TGFB2: variants seen among roughly 807,000 people sequenced by gnomAD.
The protein encoded by TGFB2 is transforming growth factor beta 2.
In TGFB2, 13 loss-of-function variants were observed where a neutral mutation model predicts 42.7. The observed-to-expected ratio is 0.30, with a 90% CI of 0.20 to 0.48. TGFB2 has a LOEUF of 0.48. TGFB2 is among the 20% of genes least tolerant of loss of function. The pLI is 0.99. For missense variants in TGFB2, 390 were observed against 517.5 expected (o/e 0.75, Z 2.39); for synonymous variants, 193 against 193.6 (o/e 1.00, Z 0.03).
chr1:218,404,686 A>G (rs1442180074), intron 1 of TGFB2, among the ~76,000 whole-genome samples: 1 of 152,204 alleles, frequency 6.6e-6, no homozygotes, highest in African/African-American at 2.4e-5. Flanking sequence ...TTGAAGCCAA[A>G]AGAGATTCGA....
At chr1:218,374,774 T>C (rs374061989) in intron 1 of TGFB2, among the ~76,000 whole-genome samples, 1 of 152,198 alleles carries the variant, frequency 6.6e-6, no homozygotes, top group African/African-American at 2.4e-5. Flanking sequence ...TCATGTCCCC[T>C]GCTACAGGGA....
At chr1:218,433,871 C>G (rs569438583) in intron 2 of TGFB2, among the ~76,000 whole-genome samples, 1 of 152,322 alleles carries the variant, frequency 6.6e-6, no homozygotes, top group East Asian at 1.9e-4. Flanking sequence ...TTTATCATAA[C>G]ATGCAGCTGA....
chr1:218,349,191 T>C (rs901619815), intron 1 of TGFB2, among the ~76,000 whole-genome samples: 2 of 152,038 alleles, frequency 1.3e-5, no homozygotes, highest in African/African-American at 4.8e-5. Context: ...CTTTAAAAAG[T>C]CTGTATTCTG....
chr1:218,437,605 A>G, intron 6 of TGFB2, 109 bp downstream of exon 6: 3 of 1,176,424 alleles, frequency 2.6e-6, no homozygotes, highest in Non-Finnish European at 2.3e-6. Context: ...ACCATCACAC[A>G]TGTATGGGTA....
At chr1:218,380,779 T>C (rs939915724) in intron 1 of TGFB2, among the ~76,000 whole-genome samples, 1 of 151,998 alleles carries the variant, frequency 6.6e-6, no homozygotes, top group African/African-American at 2.4e-5. Context: ...AATGAGTAGG[T>C]AGCTGGGAAG....
At chr1:218,384,703 C>T (rs1658074347) in intron 1 of TGFB2, among the ~76,000 whole-genome samples, 1 of 152,198 alleles carries the variant, frequency 6.6e-6, no homozygotes, top group Admixed American at 6.5e-5. Flanking sequence ...TTTGCTTCAT[C>T]TCATTTTTCC....
intron 1 of TGFB2, among the ~76,000 whole-genome samples, chr1:218,347,990 G>T (rs534812644): frequency 6.6e-6 from 1 of 150,614 alleles, no homozygotes; most frequent in African/African-American, 2.4e-5. Flanking sequence ...AAACCAGCTG[G>T]CATACAGTAG....
At chr1:218,438,866 C>T (rs1459844402) in intron 6 of TGFB2, among the ~76,000 whole-genome samples, 4 of 151,958 alleles carry the variant, frequency 2.6e-5, no homozygotes, top group Non-Finnish European at 5.9e-5. Context: ...TCCAGCACTT[C>T]GGGAGGCCGA....
At chr1:218,433,929 T>G (rs1228513054) in intron 2 of TGFB2, among the ~76,000 whole-genome samples, 153 bp from the exon 3 acceptor site, 5 of 152,246 alleles carry the variant, frequency 3.3e-5, no homozygotes, top group Non-Finnish European at 7.3e-5. Flanking sequence ...TGTGTTTTTA[T>G]GCATGTGACC....
intron 1 of TGFB2, among the ~76,000 whole-genome samples, chr1:218,386,957 C>T (rs556167608): frequency 1.3e-5 from 2 of 152,168 alleles, no homozygotes; most frequent in African/African-American, 2.4e-5. Context: ...TTGCTGTTCC[C>T]GTCTATCAAG....
intron 1 of TGFB2, 143 bp from the exon 2 acceptor site, chr1:218,405,023 TACA>T: frequency 1.2e-6 from 1 of 826,638 alleles, no homozygotes. Flanking sequence ...TTTTTCTGGT[TACA>T]TTGTTAATGG....
At chr1:218,430,186 G>A (rs1659761093) in intron 2 of TGFB2, among the ~76,000 whole-genome samples, 1 of 151,618 alleles carries the variant, frequency 6.6e-6, no homozygotes, top group Non-Finnish European at 1.5e-5. Context: ...TGAGGTGGGT[G>A]GCTCGAGACC....
At chr1:218,378,210 G>A (rs1283450840) in intron 1 of TGFB2, among the ~76,000 whole-genome samples, 1 of 150,676 alleles carries the variant, frequency 6.6e-6, no homozygotes, top group East Asian at 2.0e-4. Context: ...TTGCTCTGTC[G>A]CACCAGGCAC....
At chr1:218,357,286 G>T (rs1657069987) in intron 1 of TGFB2, among the ~76,000 whole-genome samples, 1 of 151,990 alleles carries the variant, frequency 6.6e-6, no homozygotes, top group Non-Finnish European at 1.5e-5. Context: ...CTGGTCGAGA[G>T]TAACTGCAGA....
rs116607737 is a variant in TGFB2, at chr1:218,354,352, G to T, written c.346+7305G>T. ...CATGTCACTATGCTAAAGAGCACAG[G>T]GATTCTCATAACCATAATATTTTCT... is the stretch of plus-strand genomic sequence containing the variant. On this transcript the variant is annotated intron_variant, in intron 1 of 6. Coordinates refer to ENST00000366930, the MANE Select transcript of TGFB2 (RefSeq NM_003238.6). 4.3e-3 allele frequency among the ~76,000 whole-genome samples: 651 copies of T among 152,120 alleles called. 7 individuals carry two copies. Among genetic ancestry groups the T allele is most frequent in the Middle Eastern group, 0.027 (8 of 294 alleles).
chr1:218,428,322 A>G (rs1659692893), intron 2 of TGFB2, among the ~76,000 whole-genome samples: 1 of 152,210 alleles, frequency 6.6e-6, no homozygotes, highest in African/African-American at 2.4e-5. Context: ...TTTGCTGTGC[A>G]GAAGCTCTTT....
intron 1 of TGFB2, among the ~76,000 whole-genome samples, chr1:218,397,140 C>T (rs551498907): frequency 2.2e-4 from 33 of 151,452 alleles, no homozygotes; most frequent in Non-Finnish European, 4.3e-4. Context: ...TGGTGGCAGG[C>T]GCCTGTAATC....
At chr1:218,395,388 G>A (rs900240554) in intron 1 of TGFB2, among the ~76,000 whole-genome samples, 3 of 152,288 alleles carry the variant, frequency 2.0e-5, no homozygotes, top group Admixed American at 2.0e-4. Flanking sequence ...TGGAGGAGGA[G>A]CTGCTGCCTT....
chr1:218,387,214 T>C (rs541005258), intron 1 of TGFB2, among the ~76,000 whole-genome samples: 301 of 118,554 alleles, frequency 2.5e-3, no homozygotes, highest in African/African-American at 9.3e-3. Context: ...ACTTAGGGGC[T>C]GGGGCAGAGT....
Sources: allele counts gnomAD v4.1 joint callset (sites outside exome capture counted in the v4.1 genomes callset), GRCh38; gene constraint gnomAD v4.1.1; transcripts MANE v1.5; gene names NCBI Gene and HGNC (gene_info 2026-07-23, HGNC 2026-07-21).